Variants in PRDM16 observed in about 807,000 individuals in gnomAD.
PRDM16 encodes PR/SET domain 16.
PRDM16 carries 23 observed loss-of-function variants against 110.6 expected under a neutral mutation model. That is an observed-to-expected ratio of 0.21 (90% CI 0.15 to 0.29). The LOEUF (loss-of-function observed/expected upper bound fraction) is 0.29. Ranked by LOEUF, PRDM16 falls within the 10% of genes least tolerant of loss-of-function variation. The probability of loss-of-function intolerance (pLI) is 1.00; values close to 1 mark genes in which losing one functional copy is unlikely to be tolerated. For missense variants in PRDM16, 1,615 were observed against 1,794.3 expected (o/e 0.90, Z 1.81); for synonymous variants, 799 against 781.8 (o/e 1.02, Z -0.37).
intron 1 of PRDM16, among the ~76,000 whole-genome samples, chr1:3,139,099 C>T (rs990159455): frequency 1.3e-4 from 20 of 152,244 alleles, no homozygotes; most frequent in Middle Eastern, 3.4e-3. Context: ...CCATGACTTA[C>T]GCTTGTTGAT....
intron 16 of PRDM16, 117 bp from the exon 17 acceptor site, chr1:3,433,532 GGGATGGCCCGCCCTGCCCACGCGCTCAC>G (rs1638827182): frequency 1.6e-5 from 6 of 373,702 alleles, no homozygotes; most frequent in African/African-American, 3.7e-5. Context: ...CTGCCTGTCT[GGGATGGCCCGCCCTGCCCACGCGCTCAC>G]CTGCCTGTCT....
At chr1:3,139,187 G>A (rs1030140957) in intron 1 of PRDM16, among the ~76,000 whole-genome samples, 11 of 152,174 alleles carry the variant, frequency 7.2e-5, no homozygotes, top group African/African-American at 2.7e-4. Flanking sequence ...CGGGGAGAGG[G>A]GGACCCACAT....
chr1:3,371,539 C>G (rs1174458881), intron 3 of PRDM16, among the ~76,000 whole-genome samples: 1 of 150,350 alleles, frequency 6.7e-6, no homozygotes, highest in African/African-American at 2.4e-5. Flanking sequence ...ATCCATCCAT[C>G]CACCCACCCA....
chr1:3,355,024 A>G (rs1339315073), intron 3 of PRDM16, among the ~76,000 whole-genome samples: 3 of 152,138 alleles, frequency 2.0e-5, no homozygotes, highest in African/African-American at 4.8e-5. Context: ...GTGGCTGAGC[A>G]CCAGGGGGGA....
At chr1:3,417,449 G>A in intron 10 of PRDM16, among the ~76,000 whole-genome samples, 1 of 152,304 alleles carries the variant, frequency 6.6e-6, no homozygotes, top group East Asian at 1.9e-4. Context: ...AGAAGTGCTG[G>A]CCAGGAGTCA....
chr1:3,302,803 G>C (rs745400862), intron 3 of PRDM16, among the ~76,000 whole-genome samples: 3 of 152,192 alleles, frequency 2.0e-5, no homozygotes, highest in African/African-American at 7.2e-5. Flanking sequence ...TGCGAGAGCT[G>C]AGACAAGAGG....
intron 4 of PRDM16, chr1:3,386,840 G>A (rs1249249250): frequency 6.6e-6 from 1 of 152,138 alleles, no homozygotes; most frequent in Non-Finnish European, 1.5e-5. Context: ...GTGCTTTTGT[G>A]AGATGCAAAC....
At chr1:3,357,345 G>A (rs1053738247) in intron 3 of PRDM16, among the ~76,000 whole-genome samples, 3 of 151,814 alleles carry the variant, frequency 2.0e-5, no homozygotes, top group African/African-American at 7.3e-5. Flanking sequence ...CTTGTTAAAT[G>A]CCAGCCCCAC....
chr1:3,241,285 G>A (rs1469859407), intron 2 of PRDM16, among the ~76,000 whole-genome samples: 1 of 152,250 alleles, frequency 6.6e-6, no homozygotes, highest in African/African-American at 2.4e-5. Flanking sequence ...GGGATGCAGG[G>A]CAGCTGGGGG....
At chr1:3,266,348 G>A (rs1486566999) in intron 3 of PRDM16, among the ~76,000 whole-genome samples, 2 of 152,196 alleles carry the variant, frequency 1.3e-5, no homozygotes, top group African/African-American at 4.8e-5. Flanking sequence ...CCGAGCACCC[G>A]TAATCCACCA....
chr1:3,272,617 C>G (rs1640484490), intron 3 of PRDM16, among the ~76,000 whole-genome samples: 1 of 152,186 alleles, frequency 6.6e-6, no homozygotes, highest in Admixed American at 6.5e-5. Context: ...CTCCCGTGTG[C>G]AGGTCCCCGG....
intron 1 of PRDM16, among the ~76,000 whole-genome samples, chr1:3,122,205 C>T (rs1234756031): frequency 1.3e-5 from 2 of 152,212 alleles, no homozygotes; most frequent in South Asian, 2.1e-4. Flanking sequence ...CCCGGCCTCC[C>T]GTGCAGTGCT....
intron 3 of PRDM16, among the ~76,000 whole-genome samples, chr1:3,349,117 C>T (rs984554961): frequency 4.6e-5 from 7 of 152,254 alleles, no homozygotes; most frequent in Non-Finnish European, 1.0e-4. Context: ...GGAGTCAATG[C>T]ATTTCTGCAC....
At chr1:3,179,616 G>A (rs1461603410) in intron 1 of PRDM16, among the ~76,000 whole-genome samples, 2 of 152,210 alleles carry the variant, frequency 1.3e-5, no homozygotes, top group East Asian at 1.9e-4. Flanking sequence ...AAGGGCCCCC[G>A]AGTGCCCACC....
Position 3,402,882 on chromosome 1 carries a change from G to T in PRDM16, c.768G>T (p.Val256=). Residue 256 remains valine, a synonymous_variant, in exon 6 of 17, where the codon GTG becomes GTT. Transcript: ENST00000270722. The part of the protein sequence containing the change: ...RRHKKYTCGS[V]GAALYEGLAE... ...ATAAGAAGTACACGTGTGGCTCAGT[G>T]GGGGCTGCGCTCTACGAGGGCCTGG... 1 of 1,613,062 alleles carries T rather than the reference G, an allele frequency of 6.2e-7. No homozygotes were observed.
chr1:3,274,671 C>T (rs1237716401), intron 3 of PRDM16, among the ~76,000 whole-genome samples: 1 of 152,226 alleles, frequency 6.6e-6, no homozygotes, highest in Non-Finnish European at 1.5e-5. Flanking sequence ...GAGGCCTTGT[C>T]TGCGAGCTGC....
intron 1 of PRDM16, among the ~76,000 whole-genome samples, chr1:3,110,466 T>C: frequency 7.1e-6 from 1 of 140,642 alleles, no homozygotes; most frequent in South Asian, 2.4e-4. Flanking sequence ...GGCTCCCCCA[T>C]GTCCTGGGTG....
rs146999148 is a variant in PRDM16, at chr1:3,263,301, C to G, written c.438+19164C>G. ...CCCCGCCCGGCTTTGTCAAAGGCCT[C>G]ACCCCCAGGTGCAGAAATATGAGGG... On this transcript the variant is annotated intron_variant, in intron 3 of 16. Coordinates refer to ENST00000270722, the MANE Select transcript of PRDM16 (RefSeq NM_022114.4). 2.5e-3 allele frequency among the ~76,000 whole-genome samples: 379 copies of G among 152,328 alleles called. 1 individual carries two copies. The highest frequency in any genetic ancestry group is 8.6e-3 in the African/African-American group (356 of 41,570).
In PRDM16 at chr1:3,429,439, G is replaced by A. The variant is rs143414132; in HGVS notation, c.3285-1433G>A. Among the ~76,000 whole-genome samples, 1,098 of 152,346 alleles carry A rather than the reference G, an allele frequency of 7.2e-3. 10 individuals are homozygous for A. The highest frequency in any genetic ancestry group is 0.025 in the African/African-American group (1,024 of 41,574). ...TGGTGGGAAGCCCATGCAAACCCAC[G>A]TGGGGCCACCAGATGAGATCTCACA... On this transcript the variant is annotated intron_variant, in intron 14 of 16. Transcript: ENST00000270722.
Sources: gnomAD v4.1 joint callset for allele counts (sites outside exome capture counted in the v4.1 genomes callset) on GRCh38, gnomAD v4.1.1 for gene constraint, MANE v1.5 for transcripts, NCBI Gene and HGNC (gene_info 2026-07-23, HGNC 2026-07-21) for gene names.